PRDM6: variants seen among roughly 807,000 people sequenced by gnomAD.
PRDM6 encodes the protein PR/SET domain 6.
PRDM6 carries 25 observed loss-of-function variants against 60.8 expected under a neutral mutation model. The ratio of observed to expected loss-of-function variants is 0.41; its 90% CI spans 0.30 to 0.57. PRDM6 has a LOEUF of 0.57. Among genes scored for constraint, PRDM6 ranks in the 20% least tolerant of loss-of-function variants. The pLI is 0.27. For missense variants in PRDM6, 839 were observed against 821.3 expected (o/e 1.02, Z -0.26); for synonymous variants, 407 against 357.4 (o/e 1.14, Z -1.57).
chr5:123,091,939 T>TG (rs1475359386), intron 2 of PRDM6, among the ~76,000 whole-genome samples: 1 of 133,128 alleles, frequency 7.5e-6, no homozygotes, highest in African/African-American at 2.7e-5. Flanking sequence ...GTTGATTTGA[T>TG]GAAAAAAAAA....
chr5:123,149,579 C>T (rs1259271880), intron 3 of PRDM6, among the ~76,000 whole-genome samples: 1 of 152,064 alleles, frequency 6.6e-6, no homozygotes, highest in African/African-American at 2.4e-5. Context: ...TAGTGGGTGC[C>T]TATGTCTTTT....
At chr5:123,164,765 C>G (rs898849431) in intron 5 of PRDM6, among the ~76,000 whole-genome samples, 2 of 152,146 alleles carry the variant, frequency 1.3e-5, no homozygotes, top group Non-Finnish European at 2.9e-5. Context: ...AGCTTTGCTA[C>G]TGGATGGAGG....
intron 5 of PRDM6, among the ~76,000 whole-genome samples, chr5:123,164,788 CTGTT>C (rs1765718653): frequency 6.6e-6 from 1 of 152,144 alleles, no homozygotes; most frequent in African/African-American, 2.4e-5. Context: ...CTCATTCCGA[CTGTT>C]TGTGGGAGTG....
rs1388466191 is a variant in PRDM6, at chr5:123,090,233, C to G, written c.219C>G (p.Pro73=). The G allele has an allele frequency of 6.8e-7, 1 of 1,477,284 alleles. No individual in the cohort carries two copies. Among genetic ancestry groups the G allele is most frequent in the Non-Finnish European group, 9.0e-7 (1 of 1,114,092 alleles). 91.5% of individuals were successfully genotyped at this position (1,477,284 alleles called of 1,614,324 possible). ...EPPPDSLRPR[P]ASLSSASSTP... is the part of the protein sequence containing the mutation. ...CGCCGGACAGCCTGCGCCCGCGGCC[C>G]GCCTCTCTCTCCTCCGCCTCGTCCA... The change falls in exon 2 of 8, where the codon CCC becomes CCG. Residue 73 remains proline, a synonymous_variant. Transcript: ENST00000407847.
At chr5:123,109,735 C>G (rs891707344) in intron 3 of PRDM6, among the ~76,000 whole-genome samples, 1 of 152,122 alleles carries the variant, frequency 6.6e-6, no homozygotes, top group African/African-American at 2.4e-5. Flanking sequence ...TTTATATTTC[C>G]TAAATGTACC....
rs1458840903 is a variant in PRDM6, at chr5:123,099,935, G to A, written c.874G>A (p.Val292Met). The A allele has an allele frequency of 6.5e-7, 1 of 1,532,506 alleles. No individual in the cohort carries two copies. The highest frequency in any genetic ancestry group is 8.8e-7 in the Non-Finnish European group (1 of 1,135,088). The allele number at this position is 1,532,506 out of a possible 1,614,324, so 94.9% of individuals were successfully genotyped here. A position where few individuals can be genotyped will look rare whatever the true frequency, so the allele number is the denominator to read the frequency against. ...LPPEKVQAGA[V>M]RNTQHLWEIY... ...CCCAGAGAAGGTGCAGGCAGGCGCC[G>A]TGAGGAACACGCAGCATCTCTGGGA... The change falls in exon 3 of 8, where the codon GTG becomes ATG. Residue 292 changes from valine to methionine, a missense_variant. Val to Met is a conservative substitution (Grantham distance 21, BLOSUM62 1). Transcript: ENST00000407847. The surrounding 1 kb of genome is among the most constrained non-coding windows in gnomAD (Gnocchi z 4.0).
intron 3 of PRDM6, among the ~76,000 whole-genome samples, chr5:123,154,885 C>T (rs1401331988): frequency 6.6e-6 from 1 of 152,152 alleles, no homozygotes; most frequent in African/African-American, 2.4e-5. Flanking sequence ...CTTTAACTGT[C>T]CCTGCTTCCT....
At chr5:123,143,581 G>T (rs1458960620) in intron 3 of PRDM6, among the ~76,000 whole-genome samples, 1 of 152,048 alleles carries the variant, frequency 6.6e-6, no homozygotes, top group African/African-American at 2.4e-5. Flanking sequence ...ACCTTACGAC[G>T]CAAATGCCCA....
chr5:123,162,761 C>G (rs1001983091), intron 5 of PRDM6, among the ~76,000 whole-genome samples: 1 of 152,190 alleles, frequency 6.6e-6, no homozygotes, highest in Non-Finnish European at 1.5e-5. Flanking sequence ...ATTGGCCACC[C>G]AAGAAACCAG....
chr5:123,182,958 T>G (rs1766197929), intron 7 of PRDM6, among the ~76,000 whole-genome samples: 1 of 152,252 alleles, frequency 6.6e-6, no homozygotes, highest in Non-Finnish European at 1.5e-5. Context: ...CTTTCAGAAT[T>G]GATCTATCCC....
intron 3 of PRDM6, among the ~76,000 whole-genome samples, chr5:123,141,088 G>T (rs1765088060): frequency 6.6e-6 from 1 of 151,608 alleles, no homozygotes; most frequent in African/African-American, 2.4e-5. Flanking sequence ...ATACTTCCTT[G>T]GTTTTATAAA....
At chr5:123,160,744 C>T (rs926120788) in intron 5 of PRDM6, among the ~76,000 whole-genome samples, 1 of 152,180 alleles carries the variant, frequency 6.6e-6, no homozygotes, top group Non-Finnish European at 1.5e-5. Flanking sequence ...TTACCCTAAC[C>T]CCAAAACCAA....
chr5:123,111,994 A>G (rs1237120999), intron 3 of PRDM6, among the ~76,000 whole-genome samples: 1 of 152,196 alleles, frequency 6.6e-6, no homozygotes, highest in Non-Finnish European at 1.5e-5. Flanking sequence ...ATAGATGTAC[A>G]TATTAAAGAA....
In PRDM6 at chr5:123,192,679, G is replaced by A. The variant is rs1744768209; in HGVS notation, c.*5478G>A. 1 of 152,236 alleles carries A rather than the reference G, an allele frequency of 6.6e-6. No individual in the cohort carries two copies. The highest frequency in any genetic ancestry group is 6.5e-5 in the Admixed American group (1 of 15,286). 9.4% of individuals were successfully genotyped at this position (152,236 alleles called of 1,614,324 possible). A position where few individuals can be genotyped will look rare whatever the true frequency, so the allele number is the denominator to read the frequency against. On this transcript the variant is annotated 3_prime_UTR_variant, in exon 8 of 8. Transcript: ENST00000407847. ...AAATGGCAACAGGCAGGAAGGGCAGGTTGTGTTGGAGGGTGGCCAGAAGAG... is the reference window on the plus strand; with the variant it reads ...AAATGGCAACAGGCAGGAAGGGCAGATTGTGTTGGAGGGTGGCCAGAAGAG...
At chr5:123,094,322 T>C (rs1261136739) in intron 2 of PRDM6, among the ~76,000 whole-genome samples, 3 of 152,100 alleles carry the variant, frequency 2.0e-5, no homozygotes, top group Non-Finnish European at 4.4e-5. Context: ...GAACATCCAC[T>C]GCGCCCCTTC....
At chr5:123,133,334 A>C (rs1685206) in intron 3 of PRDM6, among the ~76,000 whole-genome samples, 22,178 of 152,090 alleles carry the variant, frequency 0.15, 2,011 homozygotes, top group Non-Finnish European at 0.21. Flanking sequence ...AACTGAAAGA[A>C]ATAACTACCT....
chr5:123,169,365 C>T lies in PRDM6; in HGVS notation c.1154-1401C>T, dbSNP rs1012169683. Among the ~76,000 whole-genome samples the T allele has an allele frequency of 3.3e-5, 5 of 152,188 alleles. 1 individual carries two copies. Among genetic ancestry groups the T allele is most frequent in the South Asian group, 4.1e-4 (2 of 4,828 alleles). On this transcript the variant is annotated intron_variant, in intron 5 of 7. Coordinates refer to ENST00000407847, the MANE Select transcript of PRDM6 (RefSeq NM_001136239.4). Reference sequence around the variant, plus strand: ...AGCTATATTATTAGATTTATCTCCTCGGAAGTATTTCTTCTAGTTCTCTCC... The same window carrying T: ...AGCTATATTATTAGATTTATCTCCTTGGAAGTATTTCTTCTAGTTCTCTCC...
intron 3 of PRDM6, among the ~76,000 whole-genome samples, chr5:123,127,301 G>A (rs1764715201): frequency 6.6e-6 from 1 of 152,100 alleles, no homozygotes; most frequent in Non-Finnish European, 1.5e-5. Context: ...GCCTCCCAAA[G>A]TGCTGGGATT....
intron 3 of PRDM6, among the ~76,000 whole-genome samples, chr5:123,121,256 T>A (rs1764574422): frequency 6.6e-6 from 1 of 152,210 alleles, no homozygotes; most frequent in South Asian, 2.1e-4. Flanking sequence ...TACAGAGAAA[T>A]AAATAGTGAA....
Sources: gnomAD v4.1 joint callset for allele counts (sites outside exome capture counted in the v4.1 genomes callset) on GRCh38, gnomAD v4.1.1 for gene constraint, Gnocchi (gnomAD v3.1) non-coding constraint, MANE v1.5 for transcripts, NCBI Gene and HGNC (gene_info 2026-07-23, HGNC 2026-07-21) for gene names.